Variants in GFRA2 observed in about 807,000 individuals in gnomAD.
GFRA2 encodes the protein GDNF family receptor alpha 2, also known as GDNF family receptor alpha-2.
Under a neutral mutation model 48.3 loss-of-function variants are expected in GFRA2, and 17 were observed. The ratio of observed to expected loss-of-function variants is 0.35; its 90% CI spans 0.24 to 0.53. The LOEUF is 0.53. GFRA2 is among the 20% of genes least tolerant of loss of function. The pLI, the probability that GFRA2 is intolerant of heterozygous loss-of-function variation, is 0.93. For synonymous variants in GFRA2, 305 were observed against 257.2 expected, an observed-to-expected ratio of 1.19 and a Z score of -1.78; for missense variants, 660 against 637.3, an observed-to-expected ratio of 1.04 and a Z score of -0.38.
At chr8:21,791,150 G>T (rs1807566434), upstream of GFRA2, among the ~76,000 whole-genome samples, 2 of 152,134 alleles carry the variant, frequency 1.3e-5, no homozygotes, top group African/African-American at 4.8e-5. Context: ...CTTCATTTGA[G>T]CATAATGAGA....
chr8:21,719,361 A>T (rs1803486860), intron 4 of GFRA2, among the ~76,000 whole-genome samples: 1 of 152,028 alleles, frequency 6.6e-6, no homozygotes. Context: ...TCCTCCAAAA[A>T]CACAAGCAGA....
chr8:21,726,893 C>T (rs1425392403), intron 4 of GFRA2, among the ~76,000 whole-genome samples: 1 of 151,816 alleles, frequency 6.6e-6, no homozygotes, highest in Non-Finnish European at 1.5e-5. Context: ...GCTGGGACTA[C>T]AAGCGCGCAC....
chr8:21,767,362 GTACT>G (rs1474166427), intron 3 of GFRA2, among the ~76,000 whole-genome samples: 1 of 152,068 alleles, frequency 6.6e-6, no homozygotes, highest in Non-Finnish European at 1.5e-5. Flanking sequence ...TATGCCATGC[GTACT>G]TACACTCTCC....
chr8:21,803,965 T>C (rs1807814171), intron 2 of GFRA2, among the ~76,000 whole-genome samples: 1 of 152,220 alleles, frequency 6.6e-6, no homozygotes, highest in African/African-American at 2.4e-5. Flanking sequence ...ACCTGTATTA[T>C]ATTATTTAAG....
upstream of GFRA2, among the ~76,000 whole-genome samples, chr8:21,789,797 G>A (rs1364400444): frequency 6.6e-6 from 1 of 151,964 alleles, no homozygotes; most frequent in Admixed American, 6.5e-5. Context: ...CCCCCGGCTC[G>A]GGAAGAAGCC....
Position 21,691,487 on chromosome 8 carries a change from C to T in GFRA2, c.*1791G>A, listed in dbSNP as rs1006875600. On this transcript the variant is annotated 3_prime_UTR_variant, in exon 9 of 9. Coordinates refer to ENST00000524240, the MANE Select transcript of GFRA2 (RefSeq NM_001495.5). The stretch of plus-strand genomic sequence containing the variant: ...ATACTTATGCTTTCAGACCATGACC[C>T]CAGAACATGCACAGTCATGTCCTTC... The T allele has an allele frequency of 1.6e-4, 25 of 152,232 alleles. No individual in the cohort carries two copies. The highest frequency in any genetic ancestry group is 6.0e-4 in the African/African-American group (25 of 41,440). The allele number at this position is 152,232 out of a possible 1,614,324, so 9.4% of individuals were successfully genotyped here.
intron 4 of GFRA2, among the ~76,000 whole-genome samples, chr8:21,715,672 G>C (rs1803296368): frequency 6.6e-6 from 1 of 152,198 alleles, no homozygotes; most frequent in African/African-American, 2.4e-5. Context: ...GGCCACACTG[G>C]CCTAGAGATA....
At chr8:21,737,956 T>C (rs1248879227) in intron 4 of GFRA2, among the ~76,000 whole-genome samples, 1 of 152,208 alleles carries the variant, frequency 6.6e-6, no homozygotes, top group African/African-American at 2.4e-5. Context: ...GGATGCTCGC[T>C]GCTTTTCATG....
chr8:21,754,503 T>C (rs1241581173), intron 3 of GFRA2, among the ~76,000 whole-genome samples: 1 of 141,354 alleles, frequency 7.1e-6, no homozygotes, highest in East Asian at 2.1e-4. Flanking sequence ...GTCTTTTTTT[T>C]TCTTTTTTTT....
chr8:21,806,007 A>G (rs917004472), intron 1 of GFRA2, among the ~76,000 whole-genome samples: 4 of 152,190 alleles, frequency 2.6e-5, no homozygotes, highest in African/African-American at 9.7e-5. Flanking sequence ...CTGAGTCCCA[A>G]GGGATGGGCG....
At chr8:21,740,469 C>A (rs1379629989) in intron 4 of GFRA2, among the ~76,000 whole-genome samples, 1 of 152,146 alleles carries the variant, frequency 6.6e-6, no homozygotes, top group Non-Finnish European at 1.5e-5. Context: ...CAATGGTGAC[C>A]CAGGTGTCCT....
intron 2 of GFRA2, among the ~76,000 whole-genome samples, chr8:21,776,122 G>C (rs1005410764): frequency 1.3e-5 from 2 of 151,944 alleles, no homozygotes; most frequent in African/African-American, 4.8e-5. Context: ...CTCTGCCTAA[G>C]AGAGAGCACA....
chr8:21,736,936 G>T (rs1229247640), intron 4 of GFRA2, among the ~76,000 whole-genome samples: 2 of 148,654 alleles, frequency 1.3e-5, no homozygotes, highest in East Asian at 4.0e-4. Context: ...GGGAGGAGAG[G>T]GGAGGGGAGG....
intron 1 of GFRA2, among the ~76,000 whole-genome samples, chr8:21,783,967 A>C (rs1169830328): frequency 6.6e-6 from 1 of 150,656 alleles, no homozygotes; most frequent in Non-Finnish European, 1.5e-5. Flanking sequence ...CTTCCCCTCT[A>C]TCTCTTATTT....
intron 3 of GFRA2, among the ~76,000 whole-genome samples, chr8:21,761,968 T>A (rs13268689): frequency 0.23 from 34,497 of 151,616 alleles, 4,224 homozygotes; most frequent in East Asian, 0.31. Context: ...TTAAAAAAAT[T>A]AAAAAAAGTG....
intron 7 of GFRA2, 23 bp downstream of exon 7, chr8:21,702,782 A>C: frequency 6.4e-7 from 1 of 1,565,352 alleles, no homozygotes; most frequent in South Asian, 1.2e-5. Flanking sequence ...TGCTCCCCCC[A>C]CGCCTCAGCC....
chr8:21,732,917 C>G (rs1195124457), intron 4 of GFRA2, among the ~76,000 whole-genome samples: 1 of 152,132 alleles, frequency 6.6e-6, no homozygotes, highest in Admixed American at 6.5e-5. Context: ...GCAGGAAAGC[C>G]AGAGGCCAGT....
At position 21,757,535 on chromosome 8, in the gene GFRA2, G is replaced by A. The variant is rs182054507; in HGVS notation, c.440-6593C>T. Among the ~76,000 whole-genome samples, 14 of 144,982 alleles carry A rather than the reference G, an allele frequency of 9.7e-5. No individual in the cohort carries two copies. In the East Asian group the frequency reaches 1.2e-3, roughly 12 times the overall value. ...TTTTTGAATGGAGTTTCACTCTGTC[G>A]CACGTTGTAGTGCAGTGGCATGATC... On this transcript the variant is annotated intron_variant, in intron 3 of 8. Coordinates refer to ENST00000524240, the MANE Select transcript of GFRA2 (RefSeq NM_001495.5).
At chr8:21,766,954 GAC>G (rs1563257099) in intron 3 of GFRA2, among the ~76,000 whole-genome samples, 1 of 126,442 alleles carries the variant, frequency 7.9e-6, no homozygotes, top group Non-Finnish European at 1.7e-5. Flanking sequence ...CTCCACCACC[GAC>G]ACACATACAT....
Sources: allele counts gnomAD v4.1 joint callset (sites outside exome capture counted in the v4.1 genomes callset), GRCh38; gene constraint gnomAD v4.1.1; transcripts MANE v1.5; gene names NCBI Gene and HGNC (gene_info 2026-07-23, HGNC 2026-07-21).